Variants in ANO2 observed in about 807,000 individuals in gnomAD.
ANO2 encodes the protein anoctamin-2.
Under a neutral mutation model 124.2 loss-of-function variants are expected in ANO2, and 101 were observed. That is an observed-to-expected ratio of 0.81 (90% CI 0.69 to 0.96). ANO2 has a LOEUF of 0.96. ANO2 is among the 40% of genes least tolerant of loss of function. ANO2 has a pLI of 0.00. For synonymous variants in ANO2, 486 were observed against 482.5 expected (o/e 1.01, Z -0.09); for missense variants, 1,293 against 1,274.5 (o/e 1.01, Z -0.22).
In ANO2 at chr12:5,908,323, A is replaced by C. The variant is rs549836938; in HGVS notation, c.534+12717T>G. Among the ~76,000 whole-genome samples the C allele has an allele frequency of 1.3e-5, 2 of 152,368 alleles. No individual in the cohort carries two copies. Among genetic ancestry groups the C allele is most frequent in the African/African-American group, 4.8e-5 (2 of 41,596 alleles). On this transcript the variant is annotated intron_variant, in intron 3 of 24. Coordinates refer to ENST00000682330, the MANE Select transcript of ANO2 (RefSeq NM_001364791.2). This position sits in a 1 kb window ranked among gnomAD's most constrained non-coding sequence, Gnocchi z 4.7. The stretch of plus-strand genomic sequence containing the variant: ...GGCTGGAAGAGCCCAGAAAGAACGG[A>C]TCAACAGCATGGGCTAAAATATCCA...
chr12:5,740,182 C>T (rs1174723751), intron 12 of ANO2: 2 of 335,678 alleles, frequency 6.0e-6, no homozygotes, highest in African/African-American at 4.3e-5. Context: ...GATGCAGGGC[C>T]TGCTGATAGA....
chr12:5,743,568 G>C (rs1591557577), intron 12 of ANO2, among the ~76,000 whole-genome samples: 1 of 152,050 alleles, frequency 6.6e-6, no homozygotes, highest in Admixed American at 6.5e-5. Flanking sequence ...GGGAGGAAGG[G>C]AGGAGGAGAA....
chr12:5,657,492 A>AT (rs58508961), intron 14 of ANO2, among the ~76,000 whole-genome samples: 103,668 of 146,832 alleles, frequency 0.71, 36,570 homozygotes, highest in Middle Eastern at 0.78. Context: ...ATACTTTTCC[A>AT]TTTTTTTTTT....
chr12:5,648,509 A>C (rs1045373829), intron 14 of ANO2, among the ~76,000 whole-genome samples: 7 of 152,152 alleles, frequency 4.6e-5, no homozygotes, highest in African/African-American at 1.7e-4. Context: ...ATCCTGCGAC[A>C]ATCGTTATCA....
rs571512821 is a variant in ANO2, at chr12:5,806,070, G to A, written c.972C>T (p.Asp324=). 1.5e-5 allele frequency: 25 copies of A among 1,613,610 alleles called. No homozygotes were observed. The highest frequency in any genetic ancestry group is 6.6e-5 in the South Asian group (6 of 90,974). ...LHDGEYDSPE[D]DMNDRKLLYQ... is the part of the protein sequence containing the mutation. ...GGCTTACCTTCCTGTCATTCATATC[G>A]TCCTCTGGACTATCGTATTCACCCT... The change falls in exon 9 of 25, where the codon GAC becomes GAT. Residue 324 remains aspartate (D), a synonymous_variant. Transcript: ENST00000682330.
intron 14 of ANO2, among the ~76,000 whole-genome samples, chr12:5,667,188 C>T (rs376576899): frequency 6.6e-5 from 10 of 152,246 alleles, no homozygotes; most frequent in African/African-American, 2.4e-4. Context: ...TGTAATAAAC[C>T]ATAACCTTAA....
chr12:5,775,116 T>C (rs1952189283), intron 10 of ANO2, among the ~76,000 whole-genome samples: 1 of 152,224 alleles, frequency 6.6e-6, no homozygotes, highest in Non-Finnish European at 1.5e-5. Context: ...GCTACACATC[T>C]GGGTTTCCAA....
chr12:5,744,380 A>G (rs756508889), intron 11 of ANO2, 63 bp from the exon 12 acceptor site: 45 of 1,578,722 alleles, frequency 2.9e-5, no homozygotes, highest in Non-Finnish European at 3.3e-5. Context: ...CAAGAAAAAT[A>G]CATCCCCCAA....
intron 14 of ANO2, among the ~76,000 whole-genome samples, chr12:5,660,623 CT>C (rs892586384): frequency 2.0e-5 from 3 of 151,910 alleles, no homozygotes; most frequent in African/African-American, 4.8e-5. Context: ...CCAAAGTGAT[CT>C]TGTTTATTTA....
At chr12:5,738,278 C>T (rs1008516490) in intron 13 of ANO2, among the ~76,000 whole-genome samples, 4 of 152,222 alleles carry the variant, frequency 2.6e-5, no homozygotes, top group Admixed American at 2.0e-4. Flanking sequence ...TTAGGGATTC[C>T]ACTTCTTTCT....
At chr12:5,739,858 C>A (rs1951027474) in intron 12 of ANO2, 3 of 456,210 alleles carry the variant, frequency 6.6e-6, no homozygotes, top group South Asian at 3.1e-5. Flanking sequence ...CTCATTTGGG[C>A]CCTAATCATC....
At chr12:5,848,704 C>T (rs1954768227) in intron 4 of ANO2, among the ~76,000 whole-genome samples, 1 of 152,212 alleles carries the variant, frequency 6.6e-6, no homozygotes, top group Admixed American at 6.5e-5. Context: ...AAGTCCCCAG[C>T]ACATAGTCCA....
chr12:5,688,495 T>G (rs1948795233), intron 14 of ANO2, among the ~76,000 whole-genome samples: 1 of 152,156 alleles, frequency 6.6e-6, no homozygotes, highest in Non-Finnish European at 1.5e-5. Flanking sequence ...AAACAAAGGT[T>G]TGACTCTTGT....
intron 3 of ANO2, among the ~76,000 whole-genome samples, chr12:5,906,825 AAAAT>A (rs1402321615): frequency 1.3e-5 from 2 of 150,692 alleles, no homozygotes; most frequent in Non-Finnish European, 2.9e-5. Context: ...AAATAAAAAT[AAAAT>A]AAATAGAAAT....
chr12:5,612,610 T>C (rs1360228305), intron 19 of ANO2, 46 bp downstream of exon 19: 2 of 1,555,602 alleles, frequency 1.3e-6, no homozygotes, highest in South Asian at 2.2e-5. Context: ...ACTTCTGGGC[T>C]AACCCCTGGC....
chr12:5,922,022 G>A (rs951765777), intron 2 of ANO2, among the ~76,000 whole-genome samples: 20 of 139,750 alleles, frequency 1.4e-4, no homozygotes, highest in Non-Finnish European at 2.5e-4. Context: ...TCCCACCCAC[G>A]GGAATTCACC....
intron 17 of ANO2, among the ~76,000 whole-genome samples, chr12:5,614,734 C>G (rs996026855): frequency 2.6e-5 from 4 of 152,180 alleles, no homozygotes; most frequent in African/African-American, 7.2e-5. Context: ...TGGGTCATAA[C>G]TGCCGGTGGC....
At chr12:5,858,308 T>C (rs73255177) in intron 3 of ANO2, among the ~76,000 whole-genome samples, 2,638 of 152,244 alleles carry the variant, frequency 0.017, 69 homozygotes, top group African/African-American at 0.056. Flanking sequence ...TACAGTTACA[T>C]CAACTAAAAG....
intron 7 of ANO2, among the ~76,000 whole-genome samples, chr12:5,821,824 G>A (rs980835555): frequency 6.6e-6 from 1 of 152,196 alleles, no homozygotes; most frequent in African/African-American, 2.4e-5. Context: ...TCAAACGTAA[G>A]TGGTATATAT....
Sources: gnomAD v4.1 joint callset for allele counts (sites outside exome capture counted in the v4.1 genomes callset) on GRCh38, gnomAD v4.1.1 for gene constraint, Gnocchi (gnomAD v3.1) non-coding constraint, MANE v1.5 for transcripts, NCBI Gene and HGNC (gene_info 2026-07-23, HGNC 2026-07-21) for gene names.